Variants in C3 observed in about 807,000 individuals in gnomAD.
C3 encodes complement C3.
In C3, 97 loss-of-function variants were observed where a neutral mutation model predicts 207.9. That is an observed-to-expected ratio of 0.47 (90% CI 0.40 to 0.55). The LOEUF (loss-of-function observed/expected upper bound fraction) is 0.55. C3 is among the 20% of genes least tolerant of loss of function. The pLI, the probability that C3 is intolerant of heterozygous loss-of-function variation, is 0.00. For synonymous variants in C3, 848 were observed against 857.6 expected, an observed-to-expected ratio of 0.99 and a Z score of 0.20; for missense variants, 1,684 against 2,171.7, an observed-to-expected ratio of 0.78 and a Z score of 4.46.
intron 4 of C3, among the ~76,000 whole-genome samples, chr19:6,715,349 G>A (rs867704513): frequency 4.6e-5 from 7 of 151,940 alleles, no homozygotes; most frequent in Non-Finnish European, 7.4e-5. Context: ...GGTGGCGCAC[G>A]TCTGTGGTCC....
chr19:6,682,119 C>G (rs769427410), intron 34 of C3, 23 bp downstream of exon 34: 73 of 1,610,592 alleles, frequency 4.5e-5, no homozygotes, highest in Non-Finnish European at 6.1e-5. Context: ...TTCCACTTAT[C>G]CCAGCTCCTG....
intron 4 of C3, chr19:6,717,042 C>G (rs1048548347): frequency 6.6e-6 from 1 of 151,742 alleles, no homozygotes; most frequent in Non-Finnish European, 1.5e-5. Context: ...GAGGATGGCC[C>G]GTGTGGCTCC....
rs1289090693 is a variant in C3 at position 6,710,927 on chromosome 19, C to A, written c.1479+60G>T. The A allele has an allele frequency of 3.1e-6, 5 of 1,603,370 alleles. No individual in the cohort carries two copies. In the East Asian group the frequency reaches 1.1e-4, roughly 36 times the overall value. On this transcript the variant is annotated intron_variant, in intron 12 of 40. Coordinates refer to ENST00000245907, the MANE Select transcript of C3 (RefSeq NM_000064.4). ...GGGATCCGGGATGGGGGAAGGAGTC[C>A]CAGGGGTGCGGAAGAAACAAGGAGG...
intron 18 of C3, 37 bp downstream of exon 18, chr19:6,702,434 T>C (rs779052906): frequency 2.2e-6 from 3 of 1,369,798 alleles, no homozygotes; most frequent in Middle Eastern, 1.8e-4. Context: ...ACGGTCTGAC[T>C]CTGGGGTGGG....
At chr19:6,693,593 G>T in intron 24 of C3, 106 bp from the exon 25 acceptor site, 1 of 970,638 alleles carries the variant, frequency 1.0e-6, no homozygotes, top group Non-Finnish European at 1.6e-6. Context: ...GCTCAGGGTG[G>T]CGGAGGGGTT....
intron 19 of C3, among the ~76,000 whole-genome samples, chr19:6,698,023 T>A (rs201763255): frequency 8.6e-4 from 14 of 16,200 alleles, no homozygotes; most frequent in East Asian, 8.6e-3. Flanking sequence ...ATTATTATTA[T>A]TATTAATTAT....
intron 16 of C3, 34 bp downstream of exon 16, chr19:6,707,432 C>T (rs1967804938): frequency 6.2e-7 from 1 of 1,611,752 alleles, no homozygotes; most frequent in South Asian, 1.1e-5. Context: ...TGGGGTGGGG[C>T]TCGGGGGCAG....
In C3 at chr19:6,677,915, G is replaced by C. The variant is rs746093353; in HGVS notation, c.4959C>G (p.Thr1653=). ...QKQCQDLGAF[T]ESMVVFGCPN ...GGCACCCAAAGACAACCATGCTCTC[G>C]GTGAAGGCGCCGAGGTCCTGGCATT... The change falls in exon 41 of 41, where the codon ACC becomes ACG. Residue 1653 remains threonine (T), a synonymous_variant. Coordinates refer to ENST00000245907, the MANE Select transcript of C3 (RefSeq NM_000064.4). 6.2e-7 allele frequency: 1 copy of C among 1,613,984 alleles called. No homozygotes were observed.
At chr19:6,698,303 T>G (rs1967583285) in intron 19 of C3, among the ~76,000 whole-genome samples, 1 of 152,012 alleles carries the variant, frequency 6.6e-6, no homozygotes, top group Admixed American at 6.6e-5. Context: ...CGTGAGCCAC[T>G]GCGCCTGGCC....
At chr19:6,714,320 C>T in intron 5 of C3, 32 bp downstream of exon 5, 1 of 1,609,378 alleles carries the variant, frequency 6.2e-7, no homozygotes, top group Non-Finnish European at 8.5e-7. Context: ...GATAGGGGAG[C>T]CCTGAGCCCC....
intron 19 of C3, among the ~76,000 whole-genome samples, chr19:6,701,227 C>T (rs1490679692): frequency 6.6e-6 from 1 of 152,134 alleles, no homozygotes; most frequent in East Asian, 1.9e-4. Flanking sequence ...TGAGCATGTG[C>T]ACTGCTCCGA....
rs1803223 is a variant in C3 at position 6,677,996 on chromosome 19, A to G, written c.4878T>C (p.Thr1626=). The G allele has an allele frequency of 4.5e-4, 731 of 1,613,922 alleles. 1 individual carries two copies. The African/African-American group carries it at 7.7e-3, about 17-fold the overall frequency. ...CCTCCTCGGGCCAGTGCTCCACCCA[A>G]GTGTCCTTCCCGATGATGTAGCTGA... ...PNLSYIIGKD[T]WVEHWPEEDE... is the part of the protein sequence containing the mutation. The change falls in exon 41 of 41, where the codon ACT becomes ACC. Residue 1626 remains threonine (T), a synonymous_variant. Coordinates refer to ENST00000245907, the MANE Select transcript of C3 (RefSeq NM_000064.4).
At chr19:6,683,537 G>A (rs1181756950) in intron 33 of C3, among the ~76,000 whole-genome samples, 16 of 132,598 alleles carry the variant, frequency 1.2e-4, no homozygotes, top group Non-Finnish European at 4.6e-5. Flanking sequence ...TGCAAGCTCC[G>A]CCTCCTGGGT....
At chr19:6,717,670 G>A (rs1373220622) in intron 4 of C3, 2 of 337,636 alleles carry the variant, frequency 5.9e-6, no homozygotes, top group Non-Finnish European at 1.2e-5. Context: ...TATGTATGTT[G>A]TGTTGTGTTG....
rs1222558007 is a variant in C3, at chr19:6,713,144, G to A, written c.1003+45C>T. 6.8e-6 allele frequency: 11 copies of A among 1,611,480 alleles called. 1 individual carries two copies. Among genetic ancestry groups the A allele is most frequent in the East Asian group, 6.7e-5 (3 of 44,868 alleles). On this transcript the variant is annotated intron_variant, in intron 9 of 40. Coordinates refer to ENST00000245907, the MANE Select transcript of C3 (RefSeq NM_000064.4). ...CTGACCTGGTCTCCCCTCTCAGACC[G>A]GCCCACTTGGTGGTCCTGAGCCTGG... is the stretch of plus-strand genomic sequence containing the variant.
At position 6,684,818 on chromosome 19, in the gene C3, C is replaced by T; in HGVS notation, c.3986G>A (p.Gly1329Asp). 3 of 1,614,162 alleles carry T rather than the reference C, an allele frequency of 1.9e-6. No homozygotes were observed. Among genetic ancestry groups the T allele is most frequent in the Non-Finnish European group, 2.5e-6 (3 of 1,180,032 alleles). ...TTTTCCTTCAGCTGTGACTGTGAAA[C>T]CCTCATTTTCCTTGGTCTGCAGAGT... ...LRSEETKENEGFTVTAEGKGQ... is the reference protein window; with the variant it reads ...LRSEETKENEDFTVTAEGKGQ... The change falls in exon 31 of 41, where the codon GGT (glycine) becomes GAT (aspartate). Residue 1329 changes from glycine (G) to aspartate (D), a missense_variant. Physicochemically the swap from Gly to Asp is moderately conservative, Grantham distance 94. This residue lies in a region of C3 where 1,280 missense variants were observed against 1,739.1 expected (regional missense o/e 0.74). Coordinates refer to ENST00000245907, the MANE Select transcript of C3 (RefSeq NM_000064.4).
intron 16 of C3, 90 bp from the exon 17 acceptor site, chr19:6,707,363 C>T (rs1214990922): frequency 1.3e-6 from 2 of 1,595,870 alleles, no homozygotes; most frequent in African/African-American, 2.7e-5. Context: ...AGGACTTCCC[C>T]GCCGCCAGGG....
intron 36 of C3, 100 bp from the exon 37 acceptor site, chr19:6,679,596 A>G (rs1336448033): frequency 7.3e-6 from 6 of 823,956 alleles, no homozygotes; most frequent in Non-Finnish European, 1.1e-5. Flanking sequence ...TCAGACCTGG[A>G]GATGCTAGGT....
intron 4 of C3, among the ~76,000 whole-genome samples, chr19:6,715,349 G>T (rs867704513): frequency 6.6e-6 from 1 of 151,940 alleles, no homozygotes; most frequent in African/African-American, 2.4e-5. Flanking sequence ...GGTGGCGCAC[G>T]TCTGTGGTCC....
Sources: allele counts gnomAD v4.1 joint callset (sites outside exome capture counted in the v4.1 genomes callset), GRCh38; gene constraint gnomAD v4.1.1; regional missense constraint gnomAD v4.1.1; transcripts MANE v1.5; gene names NCBI Gene and HGNC (gene_info 2026-07-23, HGNC 2026-07-21).